The following CAMTA1 variants were observed in gnomAD, a reference collection of about 807,000 sequenced individuals.
CAMTA1 encodes calmodulin binding transcription activator 1, also known as calmodulin-binding transcription activator 1.
A neutral mutation model predicts 170.9 loss-of-function variants in CAMTA1; 27 were observed. The ratio of observed to expected loss-of-function variants is 0.16; its 90% CI spans 0.12 to 0.22. The LOEUF (loss-of-function observed/expected upper bound fraction) is 0.22. CAMTA1 is among the 10% of genes least tolerant of loss of function. The pLI is 1.00. For synonymous variants in CAMTA1, 833 were observed against 891.5 expected, an observed-to-expected ratio of 0.93 and a Z score of 1.17; for missense variants, 1,619 against 2,217.2, an observed-to-expected ratio of 0.73 and a Z score of 5.42.
At chr1:7,071,390 G>A (rs893874791) in intron 3 of CAMTA1, among the ~76,000 whole-genome samples, 2 of 152,108 alleles carry the variant, frequency 1.3e-5, no homozygotes, top group Non-Finnish European at 2.9e-5. Context: ...AAATCATTAG[G>A]GGAATTAATA....
intron 4 of CAMTA1, among the ~76,000 whole-genome samples, chr1:7,164,104 A>G (rs1473734712): frequency 1.3e-5 from 2 of 152,198 alleles, no homozygotes; most frequent in Non-Finnish European, 2.9e-5. Context: ...AGGAGGGTGT[A>G]TAGATTTAGA....
chr1:7,034,926 T>C (rs60026330), intron 3 of CAMTA1, among the ~76,000 whole-genome samples: 3,152 of 152,336 alleles, frequency 0.021, 95 homozygotes, highest in African/African-American at 0.071. Flanking sequence ...TCAGTTGTTT[T>C]TTTTAAAATA....
At chr1:7,084,653 CG>C (rs1406963207) in intron 3 of CAMTA1, among the ~76,000 whole-genome samples, 3 of 152,160 alleles carry the variant, frequency 2.0e-5, no homozygotes, top group Non-Finnish European at 4.4e-5. Context: ...ACATGTGGGA[CG>C]CGGAGGGTGC....
intron 7 of CAMTA1, among the ~76,000 whole-genome samples, chr1:7,646,707 G>A (rs960400600): frequency 7.4e-5 from 11 of 148,652 alleles, no homozygotes; most frequent in Non-Finnish European, 1.6e-4. Context: ...GTCATGGTGA[G>A]TTGGGTAGAG....
chr1:6,992,099 T>A (rs1432679216), intron 3 of CAMTA1, among the ~76,000 whole-genome samples: 1 of 152,218 alleles, frequency 6.6e-6, no homozygotes, highest in Non-Finnish European at 1.5e-5. Flanking sequence ...TGAGCTAGTC[T>A]TACTCTGTCA....
intron 4 of CAMTA1, among the ~76,000 whole-genome samples, chr1:7,117,482 A>C (rs74051127): frequency 0.042 from 6,401 of 152,182 alleles, 166 homozygotes; most frequent in Middle Eastern, 0.085. Context: ...GGTGGGGAGA[A>C]GGGTTGCTAT....
chr1:6,920,948 C>G (rs1681876127), intron 3 of CAMTA1, among the ~76,000 whole-genome samples: 1 of 152,250 alleles, frequency 6.6e-6, no homozygotes, highest in Admixed American at 6.5e-5. Flanking sequence ...ATGAAGACCT[C>G]TGACAAGCCC....
At chr1:7,307,084 C>T (rs1334211103) in intron 5 of CAMTA1, among the ~76,000 whole-genome samples, 1 of 151,856 alleles carries the variant, frequency 6.6e-6, no homozygotes, top group Non-Finnish European at 1.5e-5. Context: ...AAGGGACAAC[C>T]ATATATCTCT....
chr1:7,502,036 C>T (rs1444457860), intron 6 of CAMTA1, among the ~76,000 whole-genome samples: 1 of 152,204 alleles, frequency 6.6e-6, no homozygotes, highest in African/African-American at 2.4e-5. Context: ...TCTCAAGCCC[C>T]CCGGAGGAGG....
intron 16 of CAMTA1, among the ~76,000 whole-genome samples, chr1:7,742,700 C>A (rs974040938): frequency 4.6e-5 from 7 of 152,098 alleles, no homozygotes; most frequent in African/African-American, 1.7e-4. Context: ...GAGTGATAAC[C>A]TTTTAGGCTT....
intron 3 of CAMTA1, among the ~76,000 whole-genome samples, chr1:6,946,613 C>A (rs1460802482): frequency 6.6e-6 from 1 of 152,096 alleles, no homozygotes; most frequent in Admixed American, 6.5e-5. Context: ...ATTTGTGTAT[C>A]TTCTTTGGGG....
chr1:6,891,459 G>A (rs1674478210), intron 3 of CAMTA1, among the ~76,000 whole-genome samples: 1 of 152,142 alleles, frequency 6.6e-6, no homozygotes, highest in Non-Finnish European at 1.5e-5. Context: ...TGTGTCTGTG[G>A]TCATTTGACA....
rs529875938 is a variant in CAMTA1, at chr1:7,591,890, T to TTATTTATG, written c.511-48502_511-48495dup. 8.5e-4 allele frequency among the ~76,000 whole-genome samples: 129 copies of TTATTTATG among 152,158 alleles called. 1 individual carries two copies. The highest frequency in any genetic ancestry group is 2.8e-3 in the African/African-American group (116 of 41,512). On this transcript the variant is annotated intron_variant, in intron 6 of 22. Coordinates refer to ENST00000303635, the MANE Select transcript of CAMTA1 (RefSeq NM_015215.4). ...TGCCTGGATTTCACAGTTTGTTTGT[T>TTATTTATG]TATTTATGTATTTATTTATTATTTT... is the stretch of plus-strand genomic sequence containing the variant.
chr1:7,480,377 C>T (rs994543554), intron 6 of CAMTA1, among the ~76,000 whole-genome samples: 3 of 146,302 alleles, frequency 2.1e-5, no homozygotes, highest in African/African-American at 7.8e-5. Flanking sequence ...GTGTGAGTGC[C>T]TGCATGTGCG....
chr1:6,860,568 A>G (rs1308351511), intron 3 of CAMTA1, among the ~76,000 whole-genome samples: 2 of 152,030 alleles, frequency 1.3e-5, no homozygotes, highest in East Asian at 1.9e-4. Context: ...AGTTTTTGTC[A>G]TTCTAACATA....
chr1:6,860,756 C>CA (rs1664359453), intron 3 of CAMTA1, among the ~76,000 whole-genome samples: 1 of 151,704 alleles, frequency 6.6e-6, no homozygotes, highest in Non-Finnish European at 1.5e-5. Context: ...ACTAAAAATA[C>CA]AAAAAATTAG....
At chr1:7,623,899 T>C (rs753123018) in intron 6 of CAMTA1, among the ~76,000 whole-genome samples, 9 of 152,248 alleles carry the variant, frequency 5.9e-5, no homozygotes, top group Non-Finnish European at 8.8e-5. Context: ...TAACATCTCT[T>C]AACAGCTCCA....
At chr1:7,079,667 T>C (rs1413947432) in intron 3 of CAMTA1, among the ~76,000 whole-genome samples, 1 of 151,826 alleles carries the variant, frequency 6.6e-6, no homozygotes, top group Non-Finnish European at 1.5e-5. Context: ...AGAAATGGGT[T>C]TCACCATGTT....
At chr1:7,398,185 C>CTATATA (rs2089533322) in intron 5 of CAMTA1, among the ~76,000 whole-genome samples, 1 of 46,548 alleles carries the variant, frequency 2.1e-5, no homozygotes, top group African/African-American at 8.7e-5. Flanking sequence ...CTCTCTCTCT[C>CTATATA]TCTCTCTCTA....
Sources: gnomAD v4.1 joint callset for allele counts (sites outside exome capture counted in the v4.1 genomes callset) on GRCh38, gnomAD v4.1.1 for gene constraint, MANE v1.5 for transcripts, NCBI Gene and HGNC (gene_info 2026-07-23, HGNC 2026-07-21) for gene names.